Variants in CTU2 observed in about 807,000 individuals in gnomAD.
The protein encoded by CTU2 is cytoplasmic tRNA 2-thiolation protein 2.
CTU2 carries 80 observed loss-of-function variants against 64.1 expected under a neutral mutation model. That is an observed-to-expected ratio of 1.25 (90% CI 1.04 to 1.50). The LOEUF (loss-of-function observed/expected upper bound fraction) is 1.50. Ranked by LOEUF, CTU2 falls within the 40% of genes most tolerant of loss-of-function variation. CTU2 has a pLI of 0.00. For missense variants in CTU2, 1,110 were observed against 690.2 expected (o/e 1.61, Z -6.81); for synonymous variants, 482 against 285.3 (o/e 1.69, Z -6.95).
chr16:88,714,384 A>T lies in CTU2; in HGVS notation c.1099A>T (p.Thr367Ser). The change falls in exon 11 of 15, where the codon ACA becomes TCA. Residue 367 changes from threonine to serine, a missense_variant and splice_region_variant. Coordinates refer to ENST00000453996, the MANE Select transcript of CTU2 (RefSeq NM_001012759.3). ...GCTCCTCCCACAATCCGGCCACAGG[A>T]CAAGTGAGAAGCTGGTGAAGGGCCC... ...FPSTVSTVYR[T>S]SEKLVKGPRD... The T allele has an allele frequency of 6.2e-7, 1 of 1,612,348 alleles. No individual in the cohort carries two copies. Among genetic ancestry groups the T allele is most frequent in the Middle Eastern group, 1.7e-4 (1 of 6,006 alleles).
chr16:88,713,832 T>C (rs1597432634), intron 9 of CTU2, 54 bp downstream of exon 9: 2 of 1,606,630 alleles, frequency 1.2e-6, no homozygotes, highest in East Asian at 2.2e-5. Context: ...GGGTGGGCCA[T>C]GTGGGCTGGG....
chr16:88,706,932 G>A, intron 1 of CTU2: 1 of 584,802 alleles, frequency 1.7e-6, no homozygotes. Flanking sequence ...CCCCTGAGCC[G>A]GCTTTTCTAG....
Position 88,713,707 on chromosome 16 carries a change from C to T in CTU2, c.934C>T (p.Leu312=), listed in dbSNP as rs1911578967. Residue 312 remains leucine, a synonymous_variant, in exon 9 of 15, where the codon CTG becomes TTG. Coordinates refer to ENST00000453996, the MANE Select transcript of CTU2 (RefSeq NM_001012759.3). ...GGTGCGGCCCATGCGGGACCACACC[C>T]TGAAGGAGGTCGCTTTCTACAACCG... is the stretch of plus-strand genomic sequence containing the variant. ...VVVRPMRDHT[L]KEVAFYNRLF... The T allele has an allele frequency of 1.2e-6, 2 of 1,612,682 alleles. No individual in the cohort carries two copies. The highest frequency in any genetic ancestry group is 1.7e-6 in the Non-Finnish European group (2 of 1,179,896).
At chr16:88,708,218 C>T (rs1272699289) in intron 2 of CTU2, among the ~76,000 whole-genome samples, 2 of 152,204 alleles carry the variant, frequency 1.3e-5, no homozygotes, top group Admixed American at 6.5e-5. Context: ...GTATGCTAGG[C>T]CCTTGTGGCC....
Position 88,709,931 on chromosome 16 carries a change from G to A in CTU2, c.144-7G>A. On this transcript the variant is annotated splice_region_variant and splice_polypyrimidine_tract_variant and intron_variant, in intron 2 of 14. Coordinates refer to ENST00000453996, the MANE Select transcript of CTU2 (RefSeq NM_001012759.3). ...GGCGGTTCCCTCATCTCAGGTCTGT[G>A]TTGCAGGGACTGTTTCAAGGCCTTC... 6.2e-7 allele frequency: 1 copy of A among 1,613,696 alleles called. No individual in the cohort carries two copies. The highest frequency in any genetic ancestry group is 8.5e-7 in the Non-Finnish European group (1 of 1,179,740).
Position 88,713,776 on chromosome 16 carries a change from A to G in CTU2, c.1003A>G (p.Lys335Glu). 6.2e-7 allele frequency: 1 copy of G among 1,612,502 alleles called. No homozygotes were observed. The highest frequency in any genetic ancestry group is 8.5e-7 in the Non-Finnish European group (1 of 1,179,800). Reference sequence around the variant, plus strand: ...TGTCTTCACACCAGCCGTCGACACCAAGGTGGGCCTTGTGGGCTGGGCAAC... The same window carrying G: ...TGTCTTCACACCAGCCGTCGACACCGAGGTGGGCCTTGTGGGCTGGGCAAC... ...PSVFTPAVDT[K>E]APEKASIHRL... is the part of the protein sequence containing the mutation. The change falls in exon 9 of 15, where the codon AAG (lysine) becomes GAG (glutamate). Residue 335 changes from lysine (K) to glutamate (E), a missense_variant and splice_region_variant. Coordinates refer to ENST00000453996, the MANE Select transcript of CTU2 (RefSeq NM_001012759.3).
intron 3 of CTU2, 68 bp from the exon 4 acceptor site, chr16:88,710,155 G>T: frequency 6.3e-7 from 1 of 1,595,190 alleles, no homozygotes; most frequent in South Asian, 1.1e-5. Context: ...TGTCCTAGAT[G>T]TCCACGAGGT....
chr16:88,713,754 C>T lies in CTU2; in HGVS notation c.981C>T (p.Val327=). The change falls in exon 9 of 15, where the codon GTC becomes GTT. Residue 327 remains valine, a synonymous_variant. Transcript: ENST00000453996. ...ACCGCCTGTTCTCCGTTCCTTCTGT[C>T]TTCACACCAGCCGTCGACACCAAGG... ...FYNRLFSVPS[V]FTPAVDTKAP... The T allele has an allele frequency of 1.2e-6, 2 of 1,612,716 alleles. No individual in the cohort carries two copies. Among genetic ancestry groups the T allele is most frequent in the Non-Finnish European group, 1.7e-6 (2 of 1,179,898 alleles).
At chr16:88,710,053 TG>T in intron 3 of CTU2, 37 bp downstream of exon 3, 1 of 1,607,372 alleles carries the variant, frequency 6.2e-7, no homozygotes, top group Non-Finnish European at 8.5e-7. Context: ...CTGAGCAGCC[TG>T]GCCCCTCGAG....
chr16:88,707,816 T>TTTTC (rs1344028214), intron 2 of CTU2, among the ~76,000 whole-genome samples: 2 of 150,322 alleles, frequency 1.3e-5, no homozygotes, highest in Non-Finnish European at 3.0e-5. Flanking sequence ...GTTGTTGTTT[T>TTTTC]TTTTGAGATG....
chr16:88,714,519 G>C (rs773305962), intron 11 of CTU2, 33 bp downstream of exon 11: 4 of 1,612,474 alleles, frequency 2.5e-6, no homozygotes, highest in Non-Finnish European at 3.4e-6. Context: ...GTGATGCGGG[G>C]AGGGAGCCAG....
At position 88,714,899 on chromosome 16, in the gene CTU2, C is replaced by T. The variant is rs1386626160; in HGVS notation, c.1392C>T (p.Tyr464=). The T allele has an allele frequency of 8.7e-6, 14 of 1,612,546 alleles. No homozygotes were observed. Among genetic ancestry groups the T allele is most frequent in the East Asian group, 6.7e-5 (3 of 44,898 alleles). The change falls in exon 13 of 15, where the codon TAC becomes TAT. Residue 464 remains tyrosine (Y), a synonymous_variant. Coordinates refer to ENST00000453996, the MANE Select transcript of CTU2 (RefSeq NM_001012759.3). The part of the protein sequence containing the change: ...PQACIEEQLC[Y]SCRVNMKDLP... The stretch of plus-strand genomic sequence containing the variant: ...CCTGCATTGAGGAGCAGCTGTGCTA[C>T]AGCTGCCGCGTGAACATGAAGGACT...
intron 2 of CTU2, among the ~76,000 whole-genome samples, chr16:88,708,010 C>T (rs1395004306): frequency 1.3e-5 from 2 of 152,112 alleles, no homozygotes; most frequent in Admixed American, 6.5e-5. Flanking sequence ...GACAGGGTTT[C>T]ACCATGTTGG....
rs1168634652 is a variant in CTU2, at chr16:88,713,750, C to T, written c.977C>T (p.Ser326Phe). The T allele has an allele frequency of 3.7e-6, 6 of 1,612,590 alleles. No homozygotes were observed. In the Admixed American group the frequency reaches 5.0e-5, roughly 13 times the overall value. Residue 326 changes from serine to phenylalanine, a missense_variant, in exon 9 of 15, where the codon TCT becomes TTT. By Grantham distance (155) the Ser-to-Phe change is radical (BLOSUM62 -2). Transcript: ENST00000453996. ...AFYNRLFSVP[S>F]VFTPAVDTKA... is the part of the protein sequence containing the mutation. ...TACAACCGCCTGTTCTCCGTTCCTT[C>T]TGTCTTCACACCAGCCGTCGACACC...
In CTU2 at chr16:88,714,681, C is replaced by G; in HGVS notation, c.1296C>G (p.Pro432=). ...CTGAGACCCGGACACCCCCGGGGCC[C>G]TGCTGTTCTCCAGGGGTGGGCTGGG... ...PLTETRTPPG[P]CCSPGVGWAQ... is the part of the protein sequence containing the mutation. Residue 432 remains proline, a synonymous_variant, in exon 12 of 15, where the codon CCC becomes CCG. Transcript: ENST00000453996. The G allele has an allele frequency of 6.2e-7, 1 of 1,612,278 alleles. No individual in the cohort carries two copies. Among genetic ancestry groups the G allele is most frequent in the Non-Finnish European group, 8.5e-7 (1 of 1,179,710 alleles).
In CTU2 at chr16:88,715,076, T is replaced by A. The variant is rs748907741; in HGVS notation, c.1448T>A (p.Ile483Asn). The A allele has an allele frequency of 1.3e-6, 2 of 1,575,730 alleles. No homozygotes were observed. The highest frequency in any genetic ancestry group is 1.7e-6 in the Non-Finnish European group (2 of 1,159,372). ...TCACTGGACCCCCTGCCGCCGTACA[T>A]CCTGGCTGAGGCCCAGCTCCGCACA... ...LPSLDPLPPY[I>N]LAEAQLRTQR... The change falls in exon 14 of 15, where the codon ATC becomes AAC. Residue 483 changes from isoleucine to asparagine, a missense_variant. By Grantham distance (149) the Ile-to-Asn change is moderately radical. Coordinates refer to ENST00000453996, the MANE Select transcript of CTU2 (RefSeq NM_001012759.3).
In CTU2 at chr16:88,707,172, G is replaced by C. The variant is rs1910932316; in HGVS notation, c.105G>C (p.Gln35His). ...AGTGTGTGAAGTGCAAGGAAGCGCAGCCCGTTGTGGTGATACGAGCCGGAG... is the reference window on the plus strand; with the variant it reads ...AGTGTGTGAAGTGCAAGGAAGCGCACCCCGTTGTGGTGATACGAGCCGGAG... ...EQKCVKCKEA[Q>H]PVVVIRAGDA... Residue 35 changes from glutamine to histidine, a missense_variant, in exon 2 of 15, where the codon CAG (glutamine) becomes CAC (histidine). Transcript: ENST00000453996. The C allele has an allele frequency of 2.5e-6, 4 of 1,613,868 alleles. No homozygotes were observed. In the South Asian group the frequency reaches 3.3e-5, roughly 13 times the overall value.
Position 88,712,734 on chromosome 16 carries a change from G to T in CTU2, c.566G>T (p.Gly189Val). 6.2e-7 allele frequency: 1 copy of T among 1,609,182 alleles called. No individual in the cohort carries two copies. The highest frequency in any genetic ancestry group is 8.5e-7 in the Non-Finnish European group (1 of 1,178,754). The change falls in exon 7 of 15, where the codon GGG (glycine) becomes GTG (valine). Residue 189 changes from glycine to valine, a missense_variant. Physicochemically the swap from Gly to Val is moderately radical, Grantham distance 109 (BLOSUM62 -3). Coordinates refer to ENST00000453996, the MANE Select transcript of CTU2 (RefSeq NM_001012759.3). Reference protein sequence around the residue: ...DSFLQQQHVLGAGGGPGPTQG... With the variant: ...DSFLQQQHVLVAGGGPGPTQG... The stretch of plus-strand genomic sequence containing the variant: ...TTCCTCCAGCAGCAGCATGTGCTGG[G>T]GGCCGGGGGTGGTCCTGGCCCGACT...
rs117900187 is a variant in CTU2, at chr16:88,708,628, C to G, written c.144-1310C>G. On this transcript the variant is annotated intron_variant, in intron 2 of 14. Transcript: ENST00000453996. ...TCACCTGGCATCTTGCTGTTAAACA[C>G]AGACTTGCTTTACTGTCTGTAAAGG... Among the ~76,000 whole-genome samples, 54 of 152,268 alleles carry G rather than the reference C, an allele frequency of 3.5e-4. 2 individuals carry two copies. The East Asian group carries it at 9.6e-3, about 27-fold the overall frequency.
Sources: allele counts gnomAD v4.1 joint callset (sites outside exome capture counted in the v4.1 genomes callset), GRCh38; gene constraint gnomAD v4.1.1; transcripts MANE v1.5; gene names NCBI Gene and HGNC (gene_info 2026-07-23, HGNC 2026-07-21).